Variants in PKHD1 observed in about 807,000 individuals in gnomAD.
The protein encoded by PKHD1 is fibrocystin.
PKHD1 carries 291 observed loss-of-function variants against 412.0 expected under a neutral mutation model. The observed-to-expected ratio is 0.71, with a 90% CI of 0.64 to 0.78. The LOEUF (loss-of-function observed/expected upper bound fraction) is 0.78, where lower values mean the gene tolerates loss of function less well. Among genes scored for constraint, PKHD1 ranks in the 30% least tolerant of loss-of-function variants. The probability of loss-of-function intolerance (pLI) is 0.00; values close to 1 mark genes in which losing one functional copy is unlikely to be tolerated. For missense variants in PKHD1, 4,825 were observed against 4,950.7 expected (o/e 0.97, Z 0.76); for synonymous variants, 1,777 against 1,821.5 (o/e 0.98, Z 0.62).
At chr6:51,979,622 CACTT>C (rs1229416167) in intron 35 of PKHD1, among the ~76,000 whole-genome samples, 1 of 152,070 alleles carries the variant, frequency 6.6e-6, no homozygotes, top group African/African-American at 2.4e-5. Context: ...CTCCCACACA[CACTT>C]AGAATACACA....
Position 52,058,611 on chromosome 6 carries a change from A to G in PKHD1, c.1234-10T>C, listed in dbSNP as rs4715272. The G allele has an allele frequency of 1.9e-6, 3 of 1,613,296 alleles. No individual in the cohort carries two copies. The highest frequency in any genetic ancestry group is 2.5e-6 in the Non-Finnish European group (3 of 1,179,714). Reference sequence around the variant, plus strand: ...TGGAGGCCACTTTCACCTATGCCCAAATAAGCATATCATGATCAATACTAT... The same window carrying G: ...TGGAGGCCACTTTCACCTATGCCCAGATAAGCATATCATGATCAATACTAT... On this transcript the variant is annotated splice_polypyrimidine_tract_variant and intron_variant, in intron 15 of 66. Transcript: ENST00000371117.
intron 38 of PKHD1, 123 bp downstream of exon 38, chr6:51,912,243 G>A (rs887239671): frequency 9.1e-6 from 7 of 768,256 alleles, no homozygotes; most frequent in African/African-American, 3.4e-5. Flanking sequence ...TTGTCAAAAT[G>A]TCTACCATTA....
At position 51,745,572 on chromosome 6, in the gene PKHD1, G is replaced by A. The variant is rs775141853; in HGVS notation, c.9999-1030C>T. Among the ~76,000 whole-genome samples, 12 of 152,126 alleles carry A rather than the reference G, an allele frequency of 7.9e-5. No individual in the cohort carries two copies. The South Asian group carries it at 1.9e-3, about 24-fold the overall frequency. On this transcript the variant is annotated intron_variant, in intron 59 of 66. Coordinates refer to ENST00000371117, the MANE Select transcript of PKHD1 (RefSeq NM_138694.4). ...AATAAATTTATGTCCAGGTGCAGTG[G>A]TTCAGCCTGTAATCCCAAAACTTTG...
At chr6:51,992,929 T>C (rs1036254678) in intron 35 of PKHD1, among the ~76,000 whole-genome samples, 1 of 152,198 alleles carries the variant, frequency 6.6e-6, no homozygotes, top group Non-Finnish European at 1.5e-5. Flanking sequence ...CCTGCCCCCA[T>C]TAAAATGTAA....
At chr6:51,765,329 G>A (rs1788803536) in intron 55 of PKHD1, among the ~76,000 whole-genome samples, 1 of 152,102 alleles carries the variant, frequency 6.6e-6, no homozygotes, top group African/African-American at 2.4e-5. Flanking sequence ...CACAGCCAGA[G>A]AAGTTTTTTA....
intron 52 of PKHD1, among the ~76,000 whole-genome samples, chr6:51,822,959 G>T (rs2151465962): frequency 1.3e-5 from 2 of 152,158 alleles, no homozygotes; most frequent in Middle Eastern, 3.4e-3. Flanking sequence ...TATATAGCTT[G>T]TAATTTGTAT....
chr6:51,796,249 C>G (rs1794572308), intron 52 of PKHD1, among the ~76,000 whole-genome samples: 1 of 151,908 alleles, frequency 6.6e-6, no homozygotes, highest in African/African-American at 2.4e-5. Flanking sequence ...GTGCATGTGT[C>G]CAGGAATTTA....
intron 37 of PKHD1, among the ~76,000 whole-genome samples, chr6:51,931,038 GT>G (rs1786490826): frequency 6.6e-6 from 1 of 152,220 alleles, no homozygotes; most frequent in South Asian, 2.1e-4. Flanking sequence ...AGTTTATGAA[GT>G]GGGAACTGTG....
chr6:52,065,161 A>ATGTG (rs1234374717), intron 12 of PKHD1, 111 bp from the exon 13 acceptor site: 1 of 118,962 alleles, frequency 8.4e-6, no homozygotes, highest in Non-Finnish European at 1.6e-5. Flanking sequence ...ATATATATAT[A>ATGTG]TATATATAGA....
intron 43 of PKHD1, among the ~76,000 whole-genome samples, chr6:51,891,536 C>T (rs1267246861): frequency 6.6e-6 from 1 of 152,076 alleles, no homozygotes; most frequent in Non-Finnish European, 1.5e-5. Context: ...ACCTTGGCCT[C>T]CCAAAGTGCT....
At chr6:51,631,105 C>A (rs1444356481) in intron 65 of PKHD1, among the ~76,000 whole-genome samples, 1 of 151,988 alleles carries the variant, frequency 6.6e-6, no homozygotes, top group Admixed American at 6.6e-5. Flanking sequence ...GAGGTTAGAC[C>A]TTAGGGAGAG....
intron 30 of PKHD1, 63 bp from the exon 31 acceptor site, chr6:52,027,959 A>G (rs1802471983): frequency 7.5e-7 from 1 of 1,334,192 alleles, no homozygotes; most frequent in Non-Finnish European, 1.1e-6. Context: ...AGAGTAAGCC[A>G]GAAGAGCCAT....
In PKHD1 at chr6:51,670,239, G is replaced by A. The variant is rs1051046314; in HGVS notation, c.10157-10270C>T. Among the ~76,000 whole-genome samples, 471 of 151,916 alleles carry A rather than the reference G, an allele frequency of 3.1e-3. 3 individuals are homozygous for A. Among genetic ancestry groups the A allele is most frequent in the African/African-American group, 0.011 (443 of 41,414 alleles). ...TATGAATCTGGGTGCTCCTGTATTGGGTGCATATATATTTAGGATAGTTAG... is the reference window on the plus strand; with the variant it reads ...TATGAATCTGGGTGCTCCTGTATTGAGTGCATATATATTTAGGATAGTTAG... On this transcript the variant is annotated intron_variant, in intron 60 of 66. Transcript: ENST00000371117.
chr6:52,009,548 G>C (rs542257257), intron 35 of PKHD1, among the ~76,000 whole-genome samples: 2 of 152,194 alleles, frequency 1.3e-5, no homozygotes, highest in South Asian at 4.1e-4. Context: ...AAAGAGAAAG[G>C]CACCTAAGGG....
chr6:51,882,289 G>A (rs949030195), intron 46 of PKHD1, among the ~76,000 whole-genome samples: 25 of 152,122 alleles, frequency 1.6e-4, no homozygotes, highest in African/African-American at 5.8e-4. Flanking sequence ...CTCCTGAAAA[G>A]TATAGTTCAA....
At chr6:51,723,531 T>A (rs954297598) in intron 60 of PKHD1, among the ~76,000 whole-genome samples, 1 of 152,164 alleles carries the variant, frequency 6.6e-6, no homozygotes, top group Non-Finnish European at 1.5e-5. Flanking sequence ...GTAAGTAAAG[T>A]AATTTTAAGA....
chr6:51,983,536 G>A (rs1278381117), intron 35 of PKHD1, among the ~76,000 whole-genome samples: 3 of 152,154 alleles, frequency 2.0e-5, no homozygotes, highest in African/African-American at 7.2e-5. Flanking sequence ...CCCAAGAGGG[G>A]GCAGATAAAA....
At chr6:51,764,597 A>G (rs1332907899) in intron 55 of PKHD1, among the ~76,000 whole-genome samples, 1 of 151,114 alleles carries the variant, frequency 6.6e-6, no homozygotes, top group African/African-American at 2.4e-5. Context: ...TCATGCTGCT[A>G]TAAAGACACA....
intron 35 of PKHD1, among the ~76,000 whole-genome samples, chr6:51,965,358 T>G (rs1792653797): frequency 6.6e-6 from 1 of 152,112 alleles, no homozygotes; most frequent in African/African-American, 2.4e-5. Context: ...CTCTTTTTAA[T>G]CTGGACACAA....
Sources: gnomAD v4.1 joint callset for allele counts (sites outside exome capture counted in the v4.1 genomes callset) on GRCh38, gnomAD v4.1.1 for gene constraint, MANE v1.5 for transcripts, NCBI Gene and HGNC (gene_info 2026-07-23, HGNC 2026-07-21) for gene names.